Variants in MRE11 observed in about 807,000 individuals in gnomAD.
MRE11 encodes the protein double-strand break repair protein MRE11.
A neutral mutation model predicts 91.7 loss-of-function variants in MRE11; 62 were observed. The observed-to-expected ratio is 0.68, with a 90% CI of 0.55 to 0.84. The LOEUF (loss-of-function observed/expected upper bound fraction) is 0.84, where lower values mean the gene tolerates loss of function less well. Ranked by LOEUF, MRE11 falls within the 40% of genes least tolerant of loss-of-function variation. The pLI is 0.00. For missense variants in MRE11, 796 were observed against 852.9 expected (o/e 0.93, Z 0.83); for synonymous variants, 273 against 271.4 (o/e 1.01, Z -0.06).
Position 94,464,199 on chromosome 11 carries a change from C to T in MRE11, c.1139G>A (p.Arg380His), listed in dbSNP as rs587781646. 5.3e-5 allele frequency: 86 copies of T among 1,613,716 alleles called. No homozygotes were observed. The highest frequency in any genetic ancestry group is 6.7e-5 in the Non-Finnish European group (79 of 1,179,894). The change falls in exon 11 of 20, where the codon CGC becomes CAC. Residue 380 changes from arginine (R) to histidine (H), a missense_variant. Coordinates refer to ENST00000323929, the MANE Select transcript of MRE11 (RefSeq NM_005591.4). ...SGGFEPFSVL[R>H]FSQKFVDRVA... ...CCGATCCACAAATTTCTGGCTAAAG[C>T]GAAGAACACTGAAAGGTTCAAAACC...
upstream of MRE11, among the ~76,000 whole-genome samples, chr11:94,494,399 A>G (rs955785954): frequency 6.6e-6 from 1 of 152,208 alleles, no homozygotes; most frequent in Non-Finnish European, 1.5e-5. Flanking sequence ...AAAATAATGT[A>G]GAACTTTTGA....
chr11:94,470,458 CA>C lies in MRE11; in HGVS notation c.1017+12del. ...CTAAAGTAGATCTCATTGACTTTAT[CA>C]AAAAGAATTACCTTCTCCAAACAGA... On this transcript the variant is annotated intron_variant, in intron 9 of 19. Coordinates refer to ENST00000323929, the MANE Select transcript of MRE11 (RefSeq NM_005591.4). 6.2e-7 allele frequency: 1 copy of C among 1,610,982 alleles called. No homozygotes were observed. The highest frequency in any genetic ancestry group is 1.1e-5 in the South Asian group (1 of 90,956).
At chr11:94,457,915 C>CACATT (rs1946302224) in intron 13 of MRE11, among the ~76,000 whole-genome samples, 1 of 131,074 alleles carries the variant, frequency 7.6e-6, no homozygotes, top group African/African-American at 2.9e-5. Flanking sequence ...ACACACACAC[C>CACATT]CCACACAGAC....
chr11:94,448,631 G>A (rs1443509588), intron 14 of MRE11, among the ~76,000 whole-genome samples: 5 of 151,668 alleles, frequency 3.3e-5, no homozygotes, highest in South Asian at 2.1e-4. Context: ...GAAAAGAAAC[G>A]GAAGAATTAA....
In MRE11 at chr11:94,459,395, A is replaced by G. The variant is rs1946352242; in HGVS notation, c.1500+13T>C. The G allele has an allele frequency of 6.2e-7, 1 of 1,613,664 alleles. No homozygotes were observed. Among genetic ancestry groups the G allele is most frequent in the East Asian group, 2.2e-5 (1 of 44,844 alleles). ...TATTTAAATAGACCTAGACACTCAAATTAGTTACTTACCTCCTCATCGATT... is the reference window on the plus strand; with the variant it reads ...TATTTAAATAGACCTAGACACTCAAGTTAGTTACTTACCTCCTCATCGATT... On this transcript the variant is annotated intron_variant, in intron 13 of 19. Transcript: ENST00000323929.
chr11:94,420,402 T>C (rs1373353503), intron 19 of MRE11, among the ~76,000 whole-genome samples: 4 of 152,214 alleles, frequency 2.6e-5, no homozygotes, highest in Admixed American at 2.0e-4. Flanking sequence ...GTATCTACAA[T>C]ATAAACCACA....
chr11:94,469,803 T>G (rs1039473560), intron 9 of MRE11, among the ~76,000 whole-genome samples: 31 of 152,182 alleles, frequency 2.0e-4, no homozygotes, highest in African/African-American at 6.3e-4. Flanking sequence ...GTTACTATGT[T>G]ACCTGATTTT....
Position 94,476,336 on chromosome 11 carries a change from C to T in MRE11, c.612G>A (p.Lys204=). The change falls in exon 7 of 20, where the codon AAG becomes AAA. Residue 204 remains lysine, a synonymous_variant. Transcript: ENST00000323929. ...AGTTAAACCAAGAGTTCTCATCTTCCTTTGGTCTCAACATTGTTACTTTTT... is the reference window on the plus strand; with the variant it reads ...AGTTAAACCAAGAGTTCTCATCTTCTTTTGGTCTCAACATTGTTACTTTTT... ...VNKKVTMLRP[K]EDENSWFNLF... is the part of the protein sequence containing the mutation. 1 of 1,613,516 alleles carries T rather than the reference C, an allele frequency of 6.2e-7. No individual in the cohort carries two copies. The highest frequency in any genetic ancestry group is 8.5e-7 in the Non-Finnish European group (1 of 1,179,646).
At chr11:94,465,367 G>A (rs1473906919) in intron 10 of MRE11, among the ~76,000 whole-genome samples, 5 of 140,902 alleles carry the variant, frequency 3.5e-5, no homozygotes, top group Non-Finnish European at 7.8e-5. Flanking sequence ...AATTATTTTT[G>A]TATTACCCAG....
At chr11:94,495,245 T>G (rs473297), upstream of MRE11, among the ~76,000 whole-genome samples, 76,261 of 151,956 alleles carry the variant, frequency 0.5, 19,518 homozygotes, top group South Asian at 0.6. Context: ...TATCTTGGGG[T>G]TATGCCTAAC....
Position 94,418,589 on chromosome 11 carries a change from C to T in MRE11, c.*1536G>A. The T allele has an allele frequency of 4.3e-6, 1 of 232,602 alleles. No homozygotes were observed. Among genetic ancestry groups the T allele is most frequent in the Non-Finnish European group, 8.5e-6 (1 of 117,672 alleles). The allele number at this position is 232,602 out of a possible 1,614,324, so 14.4% of individuals were successfully genotyped here. A position where few individuals can be genotyped will look rare whatever the true frequency, so the allele number is the denominator to read the frequency against. On this transcript the variant is annotated 3_prime_UTR_variant, in exon 20 of 20. Coordinates refer to ENST00000323929, the MANE Select transcript of MRE11 (RefSeq NM_005591.4). ...TAGCACAGCATCATCCAGACACTGCCTCCCCTGGTAGCTTCCATTACATCA... is the reference window on the plus strand; with the variant it reads ...TAGCACAGCATCATCCAGACACTGCTTCCCCTGGTAGCTTCCATTACATCA...
At position 94,470,577 on chromosome 11, in the gene MRE11, A is replaced by G; in HGVS notation, c.911T>C (p.Val304Ala). 4 of 1,613,366 alleles carry G rather than the reference A, an allele frequency of 2.5e-6. No homozygotes were observed. The highest frequency in any genetic ancestry group is 3.4e-6 in the Non-Finnish European group (4 of 1,179,454). Residue 304 changes from valine (V) to alanine (A), a missense_variant, in exon 9 of 20, where the codon GTG (valine) becomes GCG (alanine). By Grantham distance (64) the Val-to-Ala change is moderately conservative. Coordinates refer to ENST00000323929, the MANE Select transcript of MRE11 (RefSeq NM_005591.4). Reference sequence around the variant, plus strand: ...AATATCCTCCATGAAAAACTGCCGCACTGTGTGAAGAGGAATTTTATGCAT... The same window carrying G: ...AATATCCTCCATGAAAAACTGCCGCGCTGTGTGAAGAGGAATTTTATGCAT... ...MNMHKIPLHT[V>A]RQFFMEDIVL... is the part of the protein sequence containing the mutation.
At chr11:94,460,336 C>T (rs955219027) in intron 12 of MRE11, among the ~76,000 whole-genome samples, 12 of 152,080 alleles carry the variant, frequency 7.9e-5, no homozygotes, top group African/African-American at 1.9e-4. Context: ...CTAATACAAC[C>T]GGAGGATCTT....
At chr11:94,485,885 C>T (rs756820656) in intron 4 of MRE11, 39 bp downstream of exon 4, 11 of 1,591,092 alleles carry the variant, frequency 6.9e-6, no homozygotes, top group African/African-American at 1.3e-5. Context: ...AAATACCATA[C>T]ACAAGTAATC....
In MRE11 at chr11:94,464,175, C is replaced by G. The variant is rs587780134; in HGVS notation, c.1163G>C (p.Arg388Pro). ...VLRFSQKFVDRVANPKDIIHF... is the reference protein window; with the variant it reads ...VLRFSQKFVDPVANPKDIIHF... ...GATAATGTCTTTTGGATTAGCTACC[C>G]GATCCACAAATTTCTGGCTAAAGCG... Residue 388 changes from arginine (R) to proline (P), a missense_variant, in exon 11 of 20, where the codon CGG becomes CCG. By Grantham distance (103) the Arg-to-Pro change is moderately radical. Coordinates refer to ENST00000323929, the MANE Select transcript of MRE11 (RefSeq NM_005591.4). 6.2e-7 allele frequency: 1 copy of G among 1,613,736 alleles called. No individual in the cohort carries two copies. The highest frequency in any genetic ancestry group is 8.5e-7 in the Non-Finnish European group (1 of 1,179,866).
At position 94,493,789 on chromosome 11, in the gene MRE11, G is replaced by C. The variant is rs1301557259; in HGVS notation, c.-106+2C>G. The C allele has an allele frequency of 6.6e-6, 1 of 152,268 alleles. No individual in the cohort carries two copies. Among genetic ancestry groups the C allele is most frequent in the East Asian group, 1.9e-4 (1 of 5,182 alleles). 9.4% of individuals were successfully genotyped at this position (152,268 alleles called of 1,614,324 possible). A position where few individuals can be genotyped will look rare whatever the true frequency, so the allele number is the denominator to read the frequency against. ...AAAGAAAACAACACGGTCTGAACTT[G>C]CCTCTGAGAACCCGCAGGGCCGTAA... On this transcript the variant is annotated splice_donor_variant, in intron 1 of 19. Transcript: ENST00000323929. LOFTEE classifies it low-confidence loss of function (5UTR_SPLICE).
chr11:94,438,859 AG>A (rs1174093290), intron 16 of MRE11, among the ~76,000 whole-genome samples: 2 of 152,220 alleles, frequency 1.3e-5, no homozygotes, highest in Non-Finnish European at 2.9e-5. Context: ...AGAGGGTAAG[AG>A]GAAGTGTCTA....
At position 94,422,000 on chromosome 11, in the gene MRE11, T is replaced by G. The variant is rs375094303; in HGVS notation, c.2071-1819A>C. 5.9e-5 allele frequency among the ~76,000 whole-genome samples: 9 copies of G among 152,330 alleles called. No individual in the cohort carries two copies. The East Asian group carries it at 1.5e-3, about 26-fold the overall frequency. ...TGTTTAATATGGATCTATTTAACAC[T>G]ACTGAACTGTACACTTAATAATGGT... On this transcript the variant is annotated intron_variant, in intron 19 of 19. Transcript: ENST00000323929.
chr11:94,492,869 A>C lies in MRE11; in HGVS notation c.-68T>G. The C allele has an allele frequency of 2.9e-6, 4 of 1,381,928 alleles. No homozygotes were observed. Among genetic ancestry groups the C allele is most frequent in the Non-Finnish European group, 4.1e-6 (4 of 983,134 alleles). The allele number at this position is 1,381,928 out of a possible 1,614,324, so 85.6% of individuals were successfully genotyped here. A position where few individuals can be genotyped will look rare whatever the true frequency, so the allele number is the denominator to read the frequency against. ...AAGAACCCCTGGGTACTGTACTCAA[A>C]TGTCAGAAAATGCACTCGATTCCAA... On this transcript the variant is annotated 5_prime_UTR_variant, in exon 2 of 20. Transcript: ENST00000323929.
Sources: allele counts gnomAD v4.1 joint callset (sites outside exome capture counted in the v4.1 genomes callset), GRCh38; gene constraint gnomAD v4.1.1; transcripts MANE v1.5; gene names NCBI Gene and HGNC (gene_info 2026-07-23, HGNC 2026-07-21).